The following PRKCA variants were observed in gnomAD, a reference collection of about 807,000 sequenced individuals.
PRKCA encodes protein kinase C alpha type.
In PRKCA, 27 loss-of-function variants were observed where a neutral mutation model predicts 87.0. The observed-to-expected ratio is 0.31, with a 90% confidence interval of 0.23 to 0.43. PRKCA has a LOEUF of 0.43. Ranked by LOEUF, PRKCA falls within the 20% of genes least tolerant of loss-of-function variation. PRKCA has a pLI of 1.00. For missense variants in PRKCA, 518 were observed against 852.3 expected (o/e 0.61, Z 4.88); for synonymous variants, 329 against 311.1 (o/e 1.06, Z -0.61).
At chr17:66,337,557 T>A (rs1906779109) in intron 2 of PRKCA, among the ~76,000 whole-genome samples, 1 of 148,640 alleles carries the variant, frequency 6.7e-6, no homozygotes, top group African/African-American at 2.5e-5. Flanking sequence ...GGCCAGCTAT[T>A]TTTTTTTTTT....
chr17:66,719,449 T>C (rs1376140321), intron 8 of PRKCA, among the ~76,000 whole-genome samples: 1 of 152,224 alleles, frequency 6.6e-6, no homozygotes, highest in African/African-American at 2.4e-5. Flanking sequence ...GATTTTAGTA[T>C]ATATGCTGCC....
At chr17:66,596,462 A>G (rs1205733533) in intron 3 of PRKCA, among the ~76,000 whole-genome samples, 2 of 150,772 alleles carry the variant, frequency 1.3e-5, no homozygotes, top group Admixed American at 1.3e-4. Context: ...CCACATCCCC[A>G]TCCTTTCTGG....
intron 3 of PRKCA, among the ~76,000 whole-genome samples, chr17:66,509,083 T>A (rs1222853623): frequency 4.6e-5 from 7 of 152,080 alleles, no homozygotes; most frequent in African/African-American, 1.7e-4. Flanking sequence ...CCCCTGGCGC[T>A]GTGTTTCCCA....
chr17:66,369,308 G>A (rs769031875), intron 2 of PRKCA, among the ~76,000 whole-genome samples: 1 of 152,082 alleles, frequency 6.6e-6, no homozygotes, highest in African/African-American at 2.4e-5. Flanking sequence ...TACTTCCACG[G>A]GAGGATCATG....
chr17:66,703,235 G>C (rs896960952), intron 8 of PRKCA: 3 of 152,134 alleles, frequency 2.0e-5, no homozygotes, highest in African/African-American at 7.2e-5. Context: ...TTGTATAGCT[G>C]TACAAAAATA....
intron 16 of PRKCA, among the ~76,000 whole-genome samples, chr17:66,789,567 CTG>C (rs1397042450): frequency 3.3e-5 from 5 of 152,168 alleles, no homozygotes; most frequent in Admixed American, 3.3e-4. Context: ...TATTTAAACA[CTG>C]TATGCCAGGC....
At chr17:66,515,375 T>C (rs1966934878) in intron 3 of PRKCA, among the ~76,000 whole-genome samples, 1 of 151,636 alleles carries the variant, frequency 6.6e-6, no homozygotes, top group Non-Finnish European at 1.5e-5. Flanking sequence ...TGCACACGTG[T>C]GTGTAAGTCT....
At chr17:66,438,074 A>G (rs933419099) in intron 2 of PRKCA, among the ~76,000 whole-genome samples, 8 of 152,094 alleles carry the variant, frequency 5.3e-5, no homozygotes, top group Non-Finnish European at 1.5e-5. Flanking sequence ...GATGGGGAAC[A>G]ATGTCCTGAA....
chr17:66,760,724 A>T (rs1974664623), intron 13 of PRKCA, among the ~76,000 whole-genome samples: 1 of 152,226 alleles, frequency 6.6e-6, no homozygotes, highest in Admixed American at 6.5e-5. Context: ...ATGTTAAAGG[A>T]TGATAAACAA....
rs372242332 is a variant in PRKCA at position 66,688,430 on chromosome 17, G to C, written c.815G>C (p.Ser272Thr). ...TCGGAGCTGATGAAGATGCCGGCCA[G>C]TGGATGGTATGGAAGCCGCTTAGGT... ...GVSELMKMPASGWYKLLNQEE... is the reference protein window; with the variant it reads ...GVSELMKMPATGWYKLLNQEE... The change falls in exon 7 of 17, where the codon AGT (serine) becomes ACT (threonine). Residue 272 changes from serine to threonine, a missense_variant. By Grantham distance (58) the Ser-to-Thr change is moderately conservative. Around this residue, in one of 5 missense-constraint regions of PRKCA, gnomAD observed 300 missense variants for 496.8 expected, o/e 0.60. Coordinates refer to ENST00000413366, the MANE Select transcript of PRKCA (RefSeq NM_002737.3). 4.7e-5 allele frequency: 76 copies of C among 1,614,036 alleles called. No individual in the cohort carries two copies. Among genetic ancestry groups the C allele is most frequent in the Non-Finnish European group, 5.8e-5 (69 of 1,180,026 alleles).
chr17:66,456,038 A>G (rs772591263), intron 2 of PRKCA, among the ~76,000 whole-genome samples: 6 of 152,056 alleles, frequency 3.9e-5, no homozygotes, highest in Non-Finnish European at 8.8e-5. Context: ...AGACACAGAG[A>G]CACACAGGAG....
chr17:66,342,194 C>T (rs907825902), intron 2 of PRKCA, among the ~76,000 whole-genome samples: 2 of 151,988 alleles, frequency 1.3e-5, no homozygotes, highest in African/African-American at 2.4e-5. Flanking sequence ...GAGGCCGAGG[C>T]AGGCAGATCA....
intron 3 of PRKCA, among the ~76,000 whole-genome samples, chr17:66,629,342 A>G (rs1475220207): frequency 6.6e-6 from 1 of 152,222 alleles, no homozygotes; most frequent in African/African-American, 2.4e-5. Flanking sequence ...GCAGAATCCC[A>G]GTCATGTTAG....
At chr17:66,574,684 G>A (rs1969177454) in intron 3 of PRKCA, among the ~76,000 whole-genome samples, 2 of 150,510 alleles carry the variant, frequency 1.3e-5, no homozygotes, top group African/African-American at 4.9e-5. Flanking sequence ...TCAGATTGAG[G>A]CATTTAACCA....
intron 2 of PRKCA, among the ~76,000 whole-genome samples, chr17:66,320,135 T>C (rs1905566743): frequency 6.6e-6 from 1 of 152,178 alleles, no homozygotes; most frequent in Non-Finnish European, 1.5e-5. Flanking sequence ...GTTGTTAGAA[T>C]TTTAGAGTAA....
chr17:66,612,712 A>C (rs1598813943), intron 3 of PRKCA, among the ~76,000 whole-genome samples: 1 of 149,964 alleles, frequency 6.7e-6, no homozygotes, highest in African/African-American at 2.4e-5. Flanking sequence ...AGAATATTTC[A>C]CTGATTCTGT....
At chr17:66,578,415 G>A (rs1006849861) in intron 3 of PRKCA, among the ~76,000 whole-genome samples, 5 of 152,182 alleles carry the variant, frequency 3.3e-5, no homozygotes, top group African/African-American at 1.2e-4. Context: ...TGCAGCATGA[G>A]GGAGTCTTTC....
intron 2 of PRKCA, among the ~76,000 whole-genome samples, chr17:66,373,106 C>G (rs1909211851): frequency 6.6e-6 from 1 of 151,914 alleles, no homozygotes; most frequent in Admixed American, 6.6e-5. Flanking sequence ...GGCTCACATG[C>G]ATAATAAATA....
chr17:66,332,416 C>T (rs976872563), intron 2 of PRKCA, among the ~76,000 whole-genome samples: 4 of 151,746 alleles, frequency 2.6e-5, no homozygotes, highest in Non-Finnish European at 5.9e-5. Context: ...TTAGTAGAGA[C>T]AGGGTTTCCC....
Sources: allele counts gnomAD v4.1 joint callset (sites outside exome capture counted in the v4.1 genomes callset), GRCh38; gene constraint gnomAD v4.1.1; regional missense constraint gnomAD v4.1.1; transcripts MANE v1.5; gene names NCBI Gene and HGNC (gene_info 2026-07-23, HGNC 2026-07-21).